The following AGBL3 variants were observed in gnomAD, a reference collection of about 807,000 sequenced individuals.
AGBL3 encodes the protein AGBL carboxypeptidase 3.
AGBL3 carries 68 observed loss-of-function variants against 94.5 expected under a neutral mutation model. The observed-to-expected ratio is 0.72, with a 90% CI of 0.59 to 0.88. The LOEUF (loss-of-function observed/expected upper bound fraction) is 0.88. AGBL3 is among the 40% of genes least tolerant of loss of function. The pLI, the probability that AGBL3 is intolerant of heterozygous loss-of-function variation, is 0.00. For synonymous variants in AGBL3, 354 were observed against 370.7 expected (o/e 0.95, Z 0.52); for missense variants, 934 against 1,103.8 (o/e 0.85, Z 2.18).
chr7:134,989,389 C>T, intron 3 of AGBL3, 79 bp downstream of exon 3: 1 of 976,754 alleles, frequency 1.0e-6, no homozygotes, highest in Non-Finnish European at 1.5e-6. Flanking sequence ...ACTAAAAAGT[C>T]AGATTGAATA....
At chr7:135,097,835 C>G (rs1166571961) in intron 15 of AGBL3, among the ~76,000 whole-genome samples, 2 of 152,058 alleles carry the variant, frequency 1.3e-5, no homozygotes, top group Admixed American at 1.3e-4. Context: ...AGAAATAAGA[C>G]TGACTCAGAA....
rs1177357597 is a variant in AGBL3 at position 135,032,609 on chromosome 7, C to T, written c.419-235C>T. Among the ~76,000 whole-genome samples the T allele has an allele frequency of 5.3e-5, 8 of 151,882 alleles. No individual in the cohort carries two copies. In the East Asian group the frequency reaches 1.2e-3, roughly 22 times the overall value. On this transcript the variant is annotated intron_variant, in intron 5 of 16. Coordinates refer to ENST00000436302, the MANE Select transcript of AGBL3 (RefSeq NM_178563.4). ...TTAGGATTACAGACATGACCCACTG[C>T]GCCTGGCCAAATGAGTATTTTTAAT...
At chr7:135,059,453 G>C (rs555339322) in intron 12 of AGBL3, among the ~76,000 whole-genome samples, 1 of 152,186 alleles carries the variant, frequency 6.6e-6, no homozygotes, top group Admixed American at 6.5e-5. Flanking sequence ...GATCCATAGA[G>C]ATGAAATTAT....
At position 134,997,842 on chromosome 7, in the gene AGBL3, C is replaced by T; in HGVS notation, c.310+4164C>T. 1.3e-5 allele frequency among the ~76,000 whole-genome samples: 2 copies of T among 152,140 alleles called. 1 individual carries two copies. Among genetic ancestry groups the T allele is most frequent in the Non-Finnish European group, 2.9e-5 (2 of 68,024 alleles). On this transcript the variant is annotated intron_variant, in intron 4 of 16. Coordinates refer to ENST00000436302, the MANE Select transcript of AGBL3 (RefSeq NM_178563.4). Reference sequence around the variant, plus strand: ...ATTTACACACAGGCTACCCACTGTCCCTTGGCCTAGGCTCTCTTTAACAAA... The same window carrying T: ...ATTTACACACAGGCTACCCACTGTCTCTTGGCCTAGGCTCTCTTTAACAAA...
intron 4 of AGBL3, among the ~76,000 whole-genome samples, chr7:134,998,505 G>A (rs4366013): frequency 0.93 from 141,861 of 152,266 alleles, 66,874 homozygotes; most frequent in East Asian, 1. Flanking sequence ...TTACCCAAAC[G>A]TTTTCACCTT....
At chr7:135,012,550 G>A (rs906911595) in intron 4 of AGBL3, 2 of 152,072 alleles carry the variant, frequency 1.3e-5, no homozygotes, top group African/African-American at 4.8e-5. Context: ...ATAGAAGTAT[G>A]TTTGGGTAGA....
rs73153777 is a variant in AGBL3, at chr7:135,132,875, C to T, written c.2343-1966C>T. Among the ~76,000 whole-genome samples the T allele has an allele frequency of 5.6e-3, 851 of 152,078 alleles. 3 individuals carry two copies. Among genetic ancestry groups the T allele is most frequent in the Non-Finnish European group, 8.7e-3 (593 of 68,006 alleles). On this transcript the variant is annotated intron_variant, in intron 16 of 16. Transcript: ENST00000436302. ...GCATTGGGTATGTTTTTATTAGCAG[C>T]GTGAGAATAGAATAATACACCACTC...
At chr7:135,079,367 T>C (rs1044414159) in intron 13 of AGBL3, among the ~76,000 whole-genome samples, 3 of 152,190 alleles carry the variant, frequency 2.0e-5, no homozygotes, top group African/African-American at 7.2e-5. Context: ...TTCATACTGA[T>C]TTTGCCCATT....
At chr7:135,059,445 T>A (rs1206562873) in intron 12 of AGBL3, among the ~76,000 whole-genome samples, 5 of 152,236 alleles carry the variant, frequency 3.3e-5, no homozygotes, top group African/African-American at 9.6e-5. Context: ...ATAGTTAAGA[T>A]CCATAGAGAT....
chr7:135,073,448 G>A (rs1422044274), intron 12 of AGBL3, among the ~76,000 whole-genome samples: 3 of 151,610 alleles, frequency 2.0e-5, no homozygotes, highest in Admixed American at 6.6e-5. Context: ...TCCAGCCCAC[G>A]TGACAGTGCA....
chr7:134,987,925 C>T lies in AGBL3; in HGVS notation c.-9C>T. ...ATTACAAGAAATCTCAAGTCAAACA[C>T]TGGAAAAGATGTCAGAAGATTCAGA... is the stretch of plus-strand genomic sequence containing the variant. On this transcript the variant is annotated 5_prime_UTR_variant, in exon 2 of 17. Transcript: ENST00000436302. 6.5e-7 allele frequency: 1 copy of T among 1,545,574 alleles called. No homozygotes were observed. Among genetic ancestry groups the T allele is most frequent in the Non-Finnish European group, 8.7e-7 (1 of 1,144,246 alleles).
chr7:135,072,969 GGT>G (rs1253079372), intron 12 of AGBL3, among the ~76,000 whole-genome samples: 3 of 151,170 alleles, frequency 2.0e-5, no homozygotes, highest in Non-Finnish European at 4.4e-5. Flanking sequence ...AAAGATGAGG[GGT>G]GTGTGTATGT....
At chr7:135,117,724 T>C (rs1826528083) in intron 16 of AGBL3, among the ~76,000 whole-genome samples, 1 of 152,260 alleles carries the variant, frequency 6.6e-6, no homozygotes, top group Non-Finnish European at 1.5e-5. Context: ...GCTGCTTTCC[T>C]ACTTTTTAAT....
intron 16 of AGBL3, among the ~76,000 whole-genome samples, chr7:135,120,803 A>T (rs533285791): frequency 6.6e-6 from 1 of 152,234 alleles, no homozygotes; most frequent in African/African-American, 2.4e-5. Context: ...TGTTAATATT[A>T]GGTAAAGTAG....
intron 4 of AGBL3, among the ~76,000 whole-genome samples, chr7:135,008,191 A>T (rs1812638073): frequency 6.6e-6 from 1 of 152,054 alleles, no homozygotes; most frequent in Non-Finnish European, 1.5e-5. Flanking sequence ...AAAGAAAAAA[A>T]AACTTAAGAA....
chr7:135,006,203 T>G (rs1375184322), intron 4 of AGBL3, among the ~76,000 whole-genome samples: 2 of 151,368 alleles, frequency 1.3e-5, no homozygotes, highest in East Asian at 3.8e-4. Context: ...TTCTATCTCC[T>G]TTTATTTTTT....
At chr7:135,094,480 ACTC>A (rs907172100) in intron 15 of AGBL3, 3 of 456,034 alleles carry the variant, frequency 6.6e-6, no homozygotes, top group Non-Finnish European at 1.3e-5. Context: ...AAAGTGAGAA[ACTC>A]CTGGTGGCCA....
chr7:135,090,017 C>T (rs1025499051), intron 15 of AGBL3, among the ~76,000 whole-genome samples: 9 of 152,190 alleles, frequency 5.9e-5, no homozygotes, highest in African/African-American at 2.2e-4. Flanking sequence ...TGTAATTCTA[C>T]TTCTAAGCTG....
chr7:135,118,596 T>C (rs563526118), intron 16 of AGBL3, among the ~76,000 whole-genome samples: 1 of 152,278 alleles, frequency 6.6e-6, no homozygotes, highest in South Asian at 2.1e-4. Flanking sequence ...TAACATAATA[T>C]GAAAGTGTCT....
Sources: allele counts gnomAD v4.1 joint callset (sites outside exome capture counted in the v4.1 genomes callset), GRCh38; gene constraint gnomAD v4.1.1; transcripts MANE v1.5; gene names NCBI Gene and HGNC (gene_info 2026-07-23, HGNC 2026-07-21).